PTPRG: variants seen among roughly 807,000 people sequenced by gnomAD.
PTPRG encodes the protein protein tyrosine phosphatase receptor type G, also known as receptor-type tyrosine-protein phosphatase gamma.
Under a neutral mutation model 165.3 loss-of-function variants are expected in PTPRG, and 102 were observed. That is an observed-to-expected ratio of 0.62 (90% CI 0.53 to 0.73). PTPRG has a LOEUF of 0.73. Ranked by LOEUF, PTPRG falls within the 30% of genes least tolerant of loss-of-function variation. The pLI is 0.00. For synonymous variants in PTPRG, 675 were observed against 669.5 expected (o/e 1.01, Z -0.13); for missense variants, 1,866 against 1,861.4 (o/e 1.00, Z -0.05).
At chr3:61,939,519 G>A (rs1336999008) in intron 2 of PTPRG, among the ~76,000 whole-genome samples, 3 of 152,202 alleles carry the variant, frequency 2.0e-5, no homozygotes, top group African/African-American at 7.2e-5. Flanking sequence ...TTATAAGATT[G>A]TTTAAGGTTT....
At chr3:62,080,998 C>T (rs1309912145) in intron 5 of PTPRG, among the ~76,000 whole-genome samples, 2 of 152,084 alleles carry the variant, frequency 1.3e-5, no homozygotes, top group Non-Finnish European at 2.9e-5. Context: ...TGGCTCACAC[C>T]TGTAATCCCA....
At chr3:62,100,739 T>C (rs1702261593) in intron 5 of PTPRG, among the ~76,000 whole-genome samples, 1 of 152,226 alleles carries the variant, frequency 6.6e-6, no homozygotes, top group South Asian at 2.1e-4. Context: ...AGTAAAGACT[T>C]TATGGAATAC....
At chr3:61,976,550 G>T (rs1157776999) in intron 2 of PTPRG, among the ~76,000 whole-genome samples, 1 of 152,182 alleles carries the variant, frequency 6.6e-6, no homozygotes, top group Admixed American at 6.5e-5. Flanking sequence ...CTCATATGTG[G>T]TTAACATAAA....
intron 5 of PTPRG, among the ~76,000 whole-genome samples, chr3:62,122,821 A>C (rs1438424265): frequency 6.6e-6 from 1 of 152,190 alleles, no homozygotes; most frequent in African/African-American, 2.4e-5. Flanking sequence ...GAGGGGCAAG[A>C]ACTCATCTAG....
At chr3:62,230,543 T>C (rs995027535) in intron 13 of PTPRG, among the ~76,000 whole-genome samples, 1 of 152,210 alleles carries the variant, frequency 6.6e-6, no homozygotes, top group African/African-American at 2.4e-5. Context: ...AGTGTTCTTG[T>C]GTGACAGAAG....
intron 5 of PTPRG, among the ~76,000 whole-genome samples, chr3:62,123,918 G>T (rs576882389): frequency 1.3e-5 from 2 of 152,014 alleles, no homozygotes; most frequent in African/African-American, 4.8e-5. Context: ...TGATTTTAAC[G>T]TTTTCGCTCC....
chr3:61,726,282 C>T (rs2032250301), intron 1 of PTPRG, among the ~76,000 whole-genome samples: 2 of 152,150 alleles, frequency 1.3e-5, no homozygotes, highest in South Asian at 4.1e-4. Flanking sequence ...CCATCTCTTT[C>T]AAGCGAAAGG....
At chr3:61,862,641 C>G (rs1375192805) in intron 2 of PTPRG, among the ~76,000 whole-genome samples, 1 of 152,078 alleles carries the variant, frequency 6.6e-6, no homozygotes, top group South Asian at 2.1e-4. Flanking sequence ...GTGATCTGCC[C>G]GCCCAGGCCT....
chr3:61,742,938 G>A (rs1575625583), intron 1 of PTPRG: 1 of 1,468,294 alleles, frequency 6.8e-7, no homozygotes, highest in East Asian at 2.3e-5. Context: ...GGCGGGGAGT[G>A]GACTTAAGTC....
At chr3:62,124,692 C>A in intron 5 of PTPRG, 1 of 631,926 alleles carries the variant, frequency 1.6e-6, no homozygotes, top group Non-Finnish European at 2.8e-6. Flanking sequence ...GAGCTAGCTG[C>A]GCTTGGCACC....
intron 7 of PTPRG, among the ~76,000 whole-genome samples, chr3:62,157,520 A>G (rs9867811): frequency 1.3e-5 from 2 of 152,230 alleles, no homozygotes; most frequent in African/African-American, 4.8e-5. Context: ...AATGATGATG[A>G]CCTTTTGTGC....
rs1701521304 is a variant in PTPRG, at chr3:62,255,671, C to T, written c.2559+456C>T. Among the ~76,000 whole-genome samples, 1 of 152,102 alleles carries T rather than the reference C, an allele frequency of 6.6e-6. No individual in the cohort carries two copies. The highest frequency in any genetic ancestry group is 1.5e-5 in the Non-Finnish European group (1 of 68,024). ...CAGACCAATCACCTCATCTCGGATCCCCAGTTTTCCCATTTTTGAAAAATG... is the reference window on the plus strand; with the variant it reads ...CAGACCAATCACCTCATCTCGGATCTCCAGTTTTCCCATTTTTGAAAAATG... On this transcript the variant is annotated intron_variant, in intron 16 of 29. Coordinates refer to ENST00000474889, the MANE Select transcript of PTPRG (RefSeq NM_002841.4). The surrounding 1 kb of genome is among the most constrained non-coding windows in gnomAD (Gnocchi z 4.0).
In PTPRG at chr3:61,692,015, C is replaced by T. The variant is rs536853043; in HGVS notation, c.86-56863C>T. On this transcript the variant is annotated intron_variant, in intron 1 of 29. Transcript: ENST00000474889. ...CAAGTAGAATGAAGAATGAGTATTT[C>T]ATGATACATTTTTTACTTTTATTAA... Among the ~76,000 whole-genome samples, 5 of 152,318 alleles carry T rather than the reference C, an allele frequency of 3.3e-5. No homozygotes were observed. In the South Asian group the frequency reaches 1.0e-3, roughly 32 times the overall value.
chr3:61,814,278 G>A (rs538290529), intron 2 of PTPRG, among the ~76,000 whole-genome samples: 1 of 152,134 alleles, frequency 6.6e-6, no homozygotes, highest in Non-Finnish European at 1.5e-5. Flanking sequence ...CCTAACAAGC[G>A]GGTGAGCAGG....
At chr3:62,083,054 A>G (rs981394747) in intron 5 of PTPRG, among the ~76,000 whole-genome samples, 20 of 152,222 alleles carry the variant, frequency 1.3e-4, no homozygotes, top group African/African-American at 4.6e-4. Context: ...CAAGGGATAG[A>G]GGAATTTGTT....
intron 2 of PTPRG, among the ~76,000 whole-genome samples, chr3:61,973,752 G>C (rs2040436462): frequency 6.6e-6 from 1 of 152,070 alleles, no homozygotes; most frequent in African/African-American, 2.4e-5. Context: ...AGAATTGCTT[G>C]AACCCGGGAG....
chr3:61,692,754 A>T (rs1486107942), intron 1 of PTPRG, among the ~76,000 whole-genome samples: 1 of 152,178 alleles, frequency 6.6e-6, no homozygotes, highest in Non-Finnish European at 1.5e-5. Flanking sequence ...AGGCAGGAAC[A>T]GGCCATTTTC....
chr3:62,281,538 C>CT (rs60919586), intron 26 of PTPRG, 25 bp from the exon 27 acceptor site: 18,209 of 595,734 alleles, frequency 0.031, 215 homozygotes, highest in South Asian at 0.037. Flanking sequence ...ACTGCAGAGG[C>CT]TTTTTTTTTT....
At chr3:62,262,008 AC>A (rs1240452891) in intron 16 of PTPRG, 1 of 152,156 alleles carries the variant, frequency 6.6e-6, no homozygotes, top group Non-Finnish European at 1.5e-5. Flanking sequence ...ACTGCTAATG[AC>A]TTCCCTTATT....
Sources: gnomAD v4.1 joint callset for allele counts (sites outside exome capture counted in the v4.1 genomes callset) on GRCh38, gnomAD v4.1.1 for gene constraint, Gnocchi (gnomAD v3.1) non-coding constraint, MANE v1.5 for transcripts, NCBI Gene and HGNC (gene_info 2026-07-23, HGNC 2026-07-21) for gene names.